PLCB4: variants seen among roughly 807,000 people sequenced by gnomAD.
PLCB4 encodes 1-phosphatidylinositol 4,5-bisphosphate phosphodiesterase beta-4.
Under a neutral mutation model 178.8 loss-of-function variants are expected in PLCB4, and 77 were observed. The observed-to-expected ratio is 0.43, with a 90% CI of 0.36 to 0.52. The LOEUF (loss-of-function observed/expected upper bound fraction) is 0.52. Among genes scored for constraint, PLCB4 ranks in the 20% least tolerant of loss-of-function variants. The pLI is 0.00. For missense variants in PLCB4, 1,024 were observed against 1,453.4 expected, an observed-to-expected ratio of 0.70 and a Z score of 4.80; for synonymous variants, 496 against 490.8, an observed-to-expected ratio of 1.01 and a Z score of -0.14.
At chr20:9,315,183 T>C (rs2094885408) in intron 4 of PLCB4, among the ~76,000 whole-genome samples, 2 of 152,202 alleles carry the variant, frequency 1.3e-5, no homozygotes, top group South Asian at 2.1e-4. Context: ...TGTATACTTA[T>C]ATGAGTCTTT....
chr20:9,347,370 TG>T (rs1183978354), intron 7 of PLCB4, among the ~76,000 whole-genome samples: 1 of 152,200 alleles, frequency 6.6e-6, no homozygotes, highest in Non-Finnish European at 1.5e-5. Flanking sequence ...TTTTAAACAT[TG>T]TGCAAAATGA....
At chr20:9,348,200 T>C (rs961326023) in intron 7 of PLCB4, among the ~76,000 whole-genome samples, 3 of 152,178 alleles carry the variant, frequency 2.0e-5, no homozygotes, top group Admixed American at 6.5e-5. Context: ...TTCTGGGTAC[T>C]TCCTGTGGAC....
chr20:9,340,005 T>G (rs1043670653), intron 7 of PLCB4, among the ~76,000 whole-genome samples: 10 of 152,318 alleles, frequency 6.6e-5, no homozygotes, highest in African/African-American at 2.4e-4. Flanking sequence ...GCCTTCACTT[T>G]CCATGGCAGA....
intron 3 of PLCB4, among the ~76,000 whole-genome samples, chr20:9,280,267 G>C (rs1363107675): frequency 2.6e-5 from 4 of 152,020 alleles, no homozygotes; most frequent in Non-Finnish European, 5.9e-5. Flanking sequence ...CTGGAAAGGA[G>C]ATCCATTGAA....
chr20:9,389,702 C>T (rs1443267824), intron 15 of PLCB4, among the ~76,000 whole-genome samples, 177 bp from the exon 16 acceptor site: 1 of 152,150 alleles, frequency 6.6e-6, no homozygotes, highest in Non-Finnish European at 1.5e-5. Context: ...ATTAACTGCA[C>T]CCTGGCTATA....
intron 3 of PLCB4, among the ~76,000 whole-genome samples, chr20:9,265,470 G>A (rs946073054): frequency 2.6e-5 from 4 of 152,094 alleles, no homozygotes; most frequent in South Asian, 2.1e-4. Context: ...GCAAAAGAAC[G>A]AGACTCTGTC....
intron 33 of PLCB4, among the ~76,000 whole-genome samples, chr20:9,457,045 T>A (rs1490444389): frequency 6.6e-6 from 1 of 152,228 alleles, no homozygotes; most frequent in Non-Finnish European, 1.5e-5. Context: ...AATGGAAGAA[T>A]GAAAAATTCA....
intron 2 of PLCB4, among the ~76,000 whole-genome samples, chr20:9,195,411 C>A (rs1033399136): frequency 5.3e-5 from 8 of 152,186 alleles, no homozygotes; most frequent in African/African-American, 1.9e-4. Flanking sequence ...TTATTTCTGG[C>A]TGTGTCTGTA....
intron 2 of PLCB4, among the ~76,000 whole-genome samples, chr20:9,124,841 A>G (rs1452713636): frequency 6.6e-6 from 1 of 152,192 alleles, no homozygotes; most frequent in Middle Eastern, 3.4e-3. Flanking sequence ...TTTGTTTTGC[A>G]GTGTTAGTTG....
chr20:9,199,811 A>G (rs2093519612), intron 2 of PLCB4, among the ~76,000 whole-genome samples: 2 of 151,330 alleles, frequency 1.3e-5, no homozygotes, highest in Admixed American at 1.3e-4. Context: ...TTAAAATTAC[A>G]ATTTACTTAT....
chr20:9,410,369 G>T (rs1220526968), intron 24 of PLCB4, among the ~76,000 whole-genome samples: 1 of 152,206 alleles, frequency 6.6e-6, no homozygotes, highest in African/African-American at 2.4e-5. Flanking sequence ...AGTTGTCAGT[G>T]AGTCCATAAT....
chr20:9,135,939 T>G (rs2092373064), intron 2 of PLCB4, among the ~76,000 whole-genome samples: 1 of 152,146 alleles, frequency 6.6e-6, no homozygotes, highest in South Asian at 2.1e-4. Flanking sequence ...TCCCCTTATC[T>G]AAGTTCATTT....
chr20:9,427,867 C>T lies in PLCB4; in HGVS notation c.2524+3915C>T, dbSNP rs116633297. ...AGCATTGTATTGAAATGTCACTCCC[C>T]GCTGTGTTTCATGAGCCTCCCAGCG... On this transcript the variant is annotated intron_variant, in intron 28 of 39. Transcript: ENST00000378473. Among the ~76,000 whole-genome samples, 291 of 152,216 alleles carry T rather than the reference C, an allele frequency of 1.9e-3. 2 individuals carry two copies. The highest frequency in any genetic ancestry group is 5.9e-3 in the African/African-American group (243 of 41,532).
chr20:9,180,962 G>A (rs2093235896), intron 2 of PLCB4, among the ~76,000 whole-genome samples: 1 of 152,174 alleles, frequency 6.6e-6, no homozygotes. Context: ...AGTGAGACTT[G>A]TGGAGATGAT....
chr20:9,337,357 A>C (rs1209399728), intron 5 of PLCB4, 151 bp downstream of exon 5: 3 of 630,562 alleles, frequency 4.8e-6, no homozygotes, highest in Non-Finnish European at 8.7e-6. Flanking sequence ...CAGGCATTGA[A>C]GTATACAGTG....
chr20:9,206,313 T>C (rs1169806932), intron 2 of PLCB4, among the ~76,000 whole-genome samples: 5 of 149,002 alleles, frequency 3.4e-5, no homozygotes, highest in African/African-American at 1.2e-4. Flanking sequence ...TTTTTTTTTT[T>C]TTTTTTTTTG....
intron 3 of PLCB4, among the ~76,000 whole-genome samples, chr20:9,225,450 G>A (rs2093851740): frequency 6.6e-6 from 1 of 152,200 alleles, no homozygotes; most frequent in Non-Finnish European, 1.5e-5. Flanking sequence ...TGGAAAAGAT[G>A]TAACAGTCGA....
chr20:9,469,570 A>G (rs904744166), intron 36 of PLCB4, among the ~76,000 whole-genome samples: 2 of 152,230 alleles, frequency 1.3e-5, no homozygotes, highest in Admixed American at 1.3e-4. Flanking sequence ...AGGGAGTGAG[A>G]AAGCAGGAAG....
At position 9,228,859 on chromosome 20, in the gene PLCB4, G is replaced by A. The variant is rs184368676; in HGVS notation, c.-16+11407G>A. Among the ~76,000 whole-genome samples the A allele has an allele frequency of 3.2e-4, 48 of 152,294 alleles. 1 individual carries two copies. Among genetic ancestry groups the A allele is most frequent in the Middle Eastern group, 3.4e-3 (1 of 292 alleles). On this transcript the variant is annotated intron_variant, in intron 3 of 39. Coordinates refer to ENST00000378473, the MANE Select transcript of PLCB4 (RefSeq NM_001377142.1). ...AGAGAAGGTTGACTTCTGGGCCCAT[G>A]CAGAACCTCCTAAAGCTGAGATGGA...
Sources: allele counts gnomAD v4.1 joint callset (sites outside exome capture counted in the v4.1 genomes callset), GRCh38; gene constraint gnomAD v4.1.1; transcripts MANE v1.5; gene names NCBI Gene and HGNC (gene_info 2026-07-23, HGNC 2026-07-21).